Variants in HHAT observed in about 807,000 individuals in gnomAD.
HHAT encodes hedgehog acyltransferase.
In HHAT, 47 loss-of-function variants were observed where a neutral mutation model predicts 70.8. The observed-to-expected ratio is 0.66, with a 90% CI of 0.53 to 0.85. The LOEUF (loss-of-function observed/expected upper bound fraction) is 0.85, where lower values mean the gene tolerates loss of function less well. HHAT is among the 40% of genes least tolerant of loss of function. The pLI is 0.00. For synonymous variants in HHAT, 228 were observed against 247.6 expected, an observed-to-expected ratio of 0.92 and a Z score of 0.74; for missense variants, 609 against 604.8, an observed-to-expected ratio of 1.01 and a Z score of -0.07.
intron 9 of HHAT, among the ~76,000 whole-genome samples, chr1:210,569,912 T>C (rs1240641400): frequency 2.0e-5 from 3 of 152,200 alleles, no homozygotes; most frequent in African/African-American, 7.2e-5. Flanking sequence ...AGCACAGATG[T>C]TTCAATCCCT....
chr1:210,443,013 T>C (rs1284015064), intron 7 of HHAT, among the ~76,000 whole-genome samples: 1 of 152,214 alleles, frequency 6.6e-6, no homozygotes, highest in Non-Finnish European at 1.5e-5. Context: ...TAATCCATCT[T>C]GAATTGATTT....
rs1665208832 is a variant in HHAT at position 210,605,512 on chromosome 1, A to G, written c.1245+17413A>G. Among the ~76,000 whole-genome samples the G allele has an allele frequency of 2.0e-5, 3 of 152,218 alleles. No homozygotes were observed. In the South Asian group the frequency reaches 6.2e-4, roughly 32 times the overall value. On this transcript the variant is annotated intron_variant, in intron 10 of 11. Coordinates refer to ENST00000261458, the MANE Select transcript of HHAT (RefSeq NM_018194.6). ...TCTCCTCTCAACCTGTTTATTAAAT[A>G]ACTACTCTGAAAAATTGGTCCGACT... is the stretch of plus-strand genomic sequence containing the variant.
chr1:210,350,037 CT>C (rs1325635214), intron 2 of HHAT, among the ~76,000 whole-genome samples: 1 of 152,176 alleles, frequency 6.6e-6, no homozygotes, highest in Non-Finnish European at 1.5e-5. Flanking sequence ...GGTGTCTATT[CT>C]TACACCAATA....
intron 10 of HHAT, among the ~76,000 whole-genome samples, chr1:210,620,875 C>T (rs867349454): frequency 3.8e-4 from 56 of 147,992 alleles, no homozygotes; most frequent in African/African-American, 1.3e-3. Flanking sequence ...AGCTCCTTCA[C>T]AGTTGGTATG....
chr1:210,419,848 T>A (rs2092840899), intron 7 of HHAT, among the ~76,000 whole-genome samples: 1 of 152,198 alleles, frequency 6.6e-6, no homozygotes. Context: ...CTAAGTCAGA[T>A]CCCAGTTGTA....
intron 9 of HHAT, among the ~76,000 whole-genome samples, chr1:210,544,308 T>G (rs767531298): frequency 1.2e-4 from 18 of 152,004 alleles, no homozygotes; most frequent in Non-Finnish European, 1.8e-4. Flanking sequence ...CTAGAGAAAG[T>G]TAGAAGGGTT....
At chr1:210,503,456 A>C (rs2094796843) in intron 8 of HHAT, among the ~76,000 whole-genome samples, 1 of 152,156 alleles carries the variant, frequency 6.6e-6, no homozygotes, top group Non-Finnish European at 1.5e-5. Context: ...CTTTTCTCTC[A>C]TCTGATGACT....
At chr1:210,330,037 G>A (rs1053643588) in intron 1 of HHAT, among the ~76,000 whole-genome samples, 4 of 152,164 alleles carry the variant, frequency 2.6e-5, no homozygotes, top group Admixed American at 2.0e-4. Context: ...GTGAGCCACC[G>A]TGCCTGGCAT....
chr1:210,418,353 A>T (rs777388102), intron 7 of HHAT, 28 bp downstream of exon 7: 5 of 1,553,880 alleles, frequency 3.2e-6, no homozygotes, highest in Non-Finnish European at 4.4e-6. Flanking sequence ...CAACAGTGGG[A>T]TGAGCCCCAA....
intron 3 of HHAT, among the ~76,000 whole-genome samples, chr1:210,385,080 A>G (rs1005926607): frequency 2.0e-5 from 3 of 152,130 alleles, no homozygotes; most frequent in African/African-American, 7.2e-5. Context: ...GGAGTCCTGG[A>G]CTTTCTGGTG....
At chr1:210,601,874 G>A (rs1318729810) in intron 10 of HHAT, among the ~76,000 whole-genome samples, 1 of 151,820 alleles carries the variant, frequency 6.6e-6, no homozygotes, top group East Asian at 1.9e-4. Context: ...AAAGGCCCAG[G>A]CTAGAGATAG....
At position 210,617,256 on chromosome 1, in the gene HHAT, A is replaced by C. The variant is rs572263586; in HGVS notation, c.1246-6270A>C. 1.5e-3 allele frequency among the ~76,000 whole-genome samples: 236 copies of C among 152,372 alleles called. 1 individual carries two copies. The South Asian group carries it at 0.017, about 11-fold the overall frequency. The stretch of plus-strand genomic sequence containing the variant: ...GAAGACAGCCATGTCATTGATAAAA[A>C]GTGGTGAGAGTTAAGATTAGGAAAT... On this transcript the variant is annotated intron_variant, in intron 10 of 11. Transcript: ENST00000261458.
chr1:210,373,496 A>G (rs772991680), intron 3 of HHAT, among the ~76,000 whole-genome samples: 2 of 152,172 alleles, frequency 1.3e-5, no homozygotes, highest in East Asian at 1.9e-4. Flanking sequence ...GAGAAGATGT[A>G]AAGTGGGGTG....
intron 9 of HHAT, among the ~76,000 whole-genome samples, chr1:210,532,535 C>T (rs552863639): frequency 2.0e-4 from 30 of 152,328 alleles, no homozygotes; most frequent in South Asian, 1.5e-3. Flanking sequence ...TAGCCCTAAA[C>T]TTATATAACT....
rs1195007508 is a variant in HHAT, at chr1:210,391,879, C to A, written c.273+4298C>A. ...ACCAGTGCTATGTGATTTTTTTTTC[C>A]CCCCTTTACAGACAGGATCTCATTG... On this transcript the variant is annotated intron_variant, in intron 4 of 11. Transcript: ENST00000261458. 9.9e-5 allele frequency among the ~76,000 whole-genome samples: 15 copies of A among 150,846 alleles called. No individual in the cohort carries two copies. In the South Asian group the frequency reaches 1.0e-3, roughly 11 times the overall value.
intron 11 of HHAT, among the ~76,000 whole-genome samples, chr1:210,648,882 C>A (rs1674587770): frequency 6.6e-6 from 1 of 152,190 alleles, no homozygotes; most frequent in African/African-American, 2.4e-5. Context: ...AGTTAACATG[C>A]CTGCATACAG....
chr1:210,392,806 T>G (rs2294844), intron 4 of HHAT, among the ~76,000 whole-genome samples: 114,157 of 151,932 alleles, frequency 0.75, 43,162 homozygotes, highest in African/African-American at 0.81. Flanking sequence ...ACCTCGTTTA[T>G]AGGAGATACA....
intron 9 of HHAT, among the ~76,000 whole-genome samples, chr1:210,534,695 A>G (rs923468158): frequency 6.6e-6 from 1 of 152,182 alleles, no homozygotes; most frequent in Non-Finnish European, 1.5e-5. Context: ...AACAGTGTTG[A>G]CTGCATTTGG....
chr1:210,665,527 TTGA>T (rs753911758), intron 11 of HHAT, among the ~76,000 whole-genome samples: 27 of 152,314 alleles, frequency 1.8e-4, no homozygotes, highest in Non-Finnish European at 3.5e-4. Flanking sequence ...AACCAGAAAG[TTGA>T]TGACTGCACA....
Sources: allele counts gnomAD v4.1 joint callset (sites outside exome capture counted in the v4.1 genomes callset), GRCh38; gene constraint gnomAD v4.1.1; transcripts MANE v1.5; gene names NCBI Gene and HGNC (gene_info 2026-07-23, HGNC 2026-07-21).